Variants in DNAH12 observed in about 807,000 individuals in gnomAD.
DNAH12 encodes dynein axonemal heavy chain 12, also known as axonemal beta dynein heavy chain 12.
Under a neutral mutation model 371.5 loss-of-function variants are expected in DNAH12, and 285 were observed. The ratio of observed to expected loss-of-function variants is 0.77; its 90% CI spans 0.70 to 0.85. The LOEUF (loss-of-function observed/expected upper bound fraction) is 0.85. DNAH12 is among the 40% of genes least tolerant of loss of function. The probability of loss-of-function intolerance (pLI) is 0.00; values close to 1 mark genes in which losing one functional copy is unlikely to be tolerated. For missense variants in DNAH12, 3,611 were observed against 3,689.4 expected, an observed-to-expected ratio of 0.98 and a Z score of 0.55; for synonymous variants, 1,200 against 1,213.0, an observed-to-expected ratio of 0.99 and a Z score of 0.22.
chr3:57,438,136 C>T (rs1185085786), intron 29 of DNAH12, among the ~76,000 whole-genome samples: 1 of 146,910 alleles, frequency 6.8e-6, no homozygotes, highest in African/African-American at 2.5e-5. Context: ...TGGCAAAATC[C>T]TATCTCTACT....
chr3:57,463,494 G>A (rs1337433947), intron 17 of DNAH12, among the ~76,000 whole-genome samples: 3 of 151,798 alleles, frequency 2.0e-5, no homozygotes, highest in African/African-American at 7.3e-5. Flanking sequence ...CACCATGCCT[G>A]GCCCCCTATT....
intron 66 of DNAH12, among the ~76,000 whole-genome samples, chr3:57,313,480 C>G (rs1031359817): frequency 1.3e-5 from 2 of 152,110 alleles, no homozygotes; most frequent in Admixed American, 6.5e-5. Flanking sequence ...GGTAAAACCC[C>G]ATTTCTACTA....
chr3:57,297,111 T>A (rs1028574514), intron 70 of DNAH12, 127 bp from the exon 71 acceptor site: 1 of 1,056,536 alleles, frequency 9.5e-7, no homozygotes, highest in Non-Finnish European at 1.4e-6. Context: ...CCCTCTTCCC[T>A]GACGTCAAAC....
In DNAH12 at chr3:57,459,686, T is replaced by C. The variant is rs1029570252; in HGVS notation, c.2837A>G (p.Asp946Gly). The C allele has an allele frequency of 1.9e-6, 3 of 1,549,654 alleles. No homozygotes were observed. Among genetic ancestry groups the C allele is most frequent in the Non-Finnish European group, 2.6e-6 (3 of 1,145,590 alleles). Residue 946 changes from aspartate (D) to glycine (G), a missense_variant, in exon 20 of 74, where the codon GAT (aspartate) becomes GGT (glycine). Physicochemically the swap from Asp to Gly is moderately conservative, Grantham distance 94. Around this residue, in one of 3 missense-constraint regions of DNAH12, gnomAD observed 1,314 missense variants for 1,398.7 expected, o/e 0.94. Coordinates refer to ENST00000495027, the MANE Select transcript of DNAH12 (RefSeq NM_001366028.2). ...LYLEPIFCSE[D>G]IMQQMPEEGR... is the part of the protein sequence containing the mutation. ...TTCTTCTGGCATCTGTTGCATGATATCCTCAGAACAAAAGATGGGCTCTAA... is the reference window on the plus strand; with the variant it reads ...TTCTTCTGGCATCTGTTGCATGATACCCTCAGAACAAAAGATGGGCTCTAA...
At chr3:57,450,502 C>G (rs542750657) in intron 25 of DNAH12, among the ~76,000 whole-genome samples, 2 of 152,188 alleles carry the variant, frequency 1.3e-5, no homozygotes, top group Non-Finnish European at 2.9e-5. Context: ...AAGCCGAGAT[C>G]GCACCATTGC....
At chr3:57,411,538 AAAAAAAAAAAAAAAAAAG>A (rs1437712324) in intron 39 of DNAH12, among the ~76,000 whole-genome samples, 1 of 112,176 alleles carries the variant, frequency 8.9e-6, no homozygotes, top group Non-Finnish European at 1.9e-5. Flanking sequence ...AAAAAAAAAA[AAAAAAAAAAAAAAAAAAG>A]AAAGAAAGAA....
chr3:57,530,424 C>A, intron 2 of DNAH12: 1 of 637,862 alleles, frequency 1.6e-6, no homozygotes, highest in Non-Finnish European at 2.9e-6. Context: ...ATCTGCTGGG[C>A]CACACTGCTC....
intron 62 of DNAH12, among the ~76,000 whole-genome samples, chr3:57,326,876 A>C (rs200177854): frequency 6.6e-6 from 1 of 152,224 alleles, no homozygotes; most frequent in South Asian, 2.1e-4. Context: ...TCTGCCAAGC[A>C]AATGGAAAAC....
At chr3:57,361,444 C>CACTATACATATATATATATATA (rs1409626573) in intron 58 of DNAH12, among the ~76,000 whole-genome samples, 1 of 116,720 alleles carries the variant, frequency 8.6e-6, no homozygotes, top group African/African-American at 4.2e-5. Context: ...CACACACACA[C>CACTATACATATATATATATATA]TATATATATA....
intron 64 of DNAH12, 79 bp downstream of exon 64, chr3:57,322,927 CT>C: frequency 6.7e-7 from 1 of 1,490,398 alleles, no homozygotes; most frequent in Non-Finnish European, 8.9e-7. Context: ...AAGACTCCGT[CT>C]CAAAACAAAC....
chr3:57,423,244 A>G (rs2064649375), intron 35 of DNAH12, among the ~76,000 whole-genome samples: 2 of 152,206 alleles, frequency 1.3e-5, no homozygotes, highest in South Asian at 4.1e-4. Flanking sequence ...TTTTAGGTTT[A>G]CCAACAGAAT....
intron 45 of DNAH12, among the ~76,000 whole-genome samples, chr3:57,388,130 A>T (rs2063533010): frequency 3.3e-5 from 5 of 152,146 alleles, no homozygotes; most frequent in Non-Finnish European, 7.4e-5. Flanking sequence ...GAATATGCCA[A>T]GCATGCTCCT....
At chr3:57,454,948 C>T in intron 22 of DNAH12, 54 bp from the exon 23 acceptor site, 1 of 1,520,156 alleles carries the variant, frequency 6.6e-7, no homozygotes, top group Non-Finnish European at 8.8e-7. Context: ...GAAAAAATAG[C>T]TAAATGTCTA....
Position 57,301,723 on chromosome 3 carries a change from CACACAT to C in DNAH12, c.11394+6_11394+11del, listed in dbSNP as rs2061351859. On this transcript the variant is annotated splice_donor_region_variant and intron_variant, in intron 70 of 73. Coordinates refer to ENST00000495027, the MANE Select transcript of DNAH12 (RefSeq NM_001366028.2). Reference sequence around the variant, plus strand: ...ACACACACACACACACACACACACACACACATTTTACCTGTAAAAAGTTCAACCGGG... The same window carrying C: ...ACACACACACACACACACACACACACTTTACCTGTAAAAAGTTCAACCGGG... 26 of 1,285,808 alleles carry C rather than the reference CACACAT, an allele frequency of 2.0e-5. No individual in the cohort carries two copies. The highest frequency in any genetic ancestry group is 2.7e-5 in the Non-Finnish European group (25 of 930,358). The allele number at this position is 1,285,808 out of a possible 1,614,324, so 79.6% of individuals were successfully genotyped here. A position where few individuals can be genotyped will look rare whatever the true frequency, so the allele number is the denominator to read the frequency against.
chr3:57,523,624 CAG>C lies in DNAH12; in HGVS notation c.253-17_253-16del. ...TCACTGGTCATCTGTCAAAAACAAA[CAG>C]GATATAATTAAATCAAGGAGAACAT... On this transcript the variant is annotated splice_polypyrimidine_tract_variant and intron_variant, in intron 3 of 73. Coordinates refer to ENST00000495027, the MANE Select transcript of DNAH12 (RefSeq NM_001366028.2). The C allele has an allele frequency of 6.4e-7, 1 of 1,567,620 alleles. No homozygotes were observed. The highest frequency in any genetic ancestry group is 1.7e-4 in the Middle Eastern group (1 of 5,802).
chr3:57,325,718 G>A (rs2061926270), intron 62 of DNAH12, among the ~76,000 whole-genome samples: 2 of 152,216 alleles, frequency 1.3e-5, no homozygotes, highest in East Asian at 1.9e-4. Flanking sequence ...AAAGCTGGAC[G>A]GAGAGTGACT....
chr3:57,518,082 T>G (rs550472415), intron 4 of DNAH12, among the ~76,000 whole-genome samples: 18 of 151,282 alleles, frequency 1.2e-4, no homozygotes, highest in African/African-American at 4.1e-4. Flanking sequence ...AAAAAAAAAC[T>G]TTCTATATTA....
chr3:57,508,421 G>C lies in DNAH12; in HGVS notation c.662C>G (p.Thr221Arg). The change falls in exon 7 of 74, where the codon ACA becomes AGA. Residue 221 changes from threonine to arginine, a missense_variant. Physicochemically the swap from Thr to Arg is moderately conservative, Grantham distance 71. Coordinates refer to ENST00000495027, the MANE Select transcript of DNAH12 (RefSeq NM_001366028.2). The stretch of plus-strand genomic sequence containing the variant: ...GTCCAACAAAACTGTATCAGCAAAT[G>C]TTGTATAACCAAGGTCCAGTAACAT... ...MKMLLDLGYT[T>R]FADTVLLDFT... 6.2e-7 allele frequency: 1 copy of C among 1,608,876 alleles called. No homozygotes were observed. The highest frequency in any genetic ancestry group is 8.5e-7 in the Non-Finnish European group (1 of 1,178,850).
intron 1 of DNAH12, among the ~76,000 whole-genome samples, chr3:57,543,573 G>A (rs1189989796): frequency 7.4e-5 from 11 of 149,612 alleles, no homozygotes; most frequent in South Asian, 2.1e-4. Flanking sequence ...TTCCCGCCTC[G>A]GTCCCCCAAA....
Sources: allele counts gnomAD v4.1 joint callset (sites outside exome capture counted in the v4.1 genomes callset), GRCh38; gene constraint gnomAD v4.1.1; regional missense constraint gnomAD v4.1.1; transcripts MANE v1.5; gene names NCBI Gene and HGNC (gene_info 2026-07-23, HGNC 2026-07-21).